TRIM49: variants seen among roughly 807,000 people sequenced by gnomAD.
TRIM49 encodes tripartite motif containing 49.
In TRIM49, 5 loss-of-function variants were observed where a neutral mutation model predicts 27.4. That is an observed-to-expected ratio of 0.18 (90% CI 0.10 to 0.38). The LOEUF (loss-of-function observed/expected upper bound fraction) is 0.38. Among genes scored for constraint, TRIM49 ranks in the 10% least tolerant of loss-of-function variants. The probability of loss-of-function intolerance (pLI) is 1.00; values close to 1 mark genes in which losing one functional copy is unlikely to be tolerated. For synonymous variants in TRIM49, 69 were observed against 166.0 expected (o/e 0.42, Z 4.49); for missense variants, 188 against 487.5 (o/e 0.39, Z 5.79).
At chr11:89,792,612 A>C in the TRIM49 span, among the ~76,000 whole-genome samples, 10 of 152,108 alleles carry the variant, frequency 6.6e-5, no homozygotes, top group Non-Finnish European at 1.0e-4. Context: ...GCTCAACTAC[A>C]TGGAAACTGA....
the TRIM49 span, chr11:89,787,228 G>A: frequency 0.14 from 28,691 of 209,110 alleles, 206 homozygotes; most frequent in East Asian, 0.27. Context: ...GTGGCCCAGA[G>A]GACCGGGGCG....
the TRIM49 span, among the ~76,000 whole-genome samples, chr11:89,777,689 T>C: frequency 6.6e-6 from 1 of 150,862 alleles, no homozygotes; most frequent in East Asian, 2.0e-4. Context: ...TAAAAGCCAG[T>C]TTCTCAGAAA....
the TRIM49 span, among the ~76,000 whole-genome samples, chr11:89,791,623 A>T: frequency 2.6e-5 from 4 of 151,338 alleles, no homozygotes; most frequent in East Asian, 7.8e-4. Flanking sequence ...TCAACCCAGA[A>T]TATCATATCC....
chr11:89,795,779 T>A (rs1949683481), downstream of TRIM49, among the ~76,000 whole-genome samples: 1 of 149,802 alleles, frequency 6.7e-6, no homozygotes, highest in African/African-American at 2.5e-5. Flanking sequence ...GAGATATACC[T>A]AATGTAAATG....
the TRIM49 span, among the ~76,000 whole-genome samples, chr11:89,769,015 C>A: frequency 1.5e-5 from 2 of 136,070 alleles, no homozygotes; most frequent in Non-Finnish European, 3.0e-5. Flanking sequence ...CCCATCCCTA[C>A]TAAAAAATGC....
the TRIM49 span, among the ~76,000 whole-genome samples, chr11:89,790,773 G>T: frequency 1.3e-5 from 2 of 149,678 alleles, no homozygotes; most frequent in Non-Finnish European, 3.0e-5. Context: ...AAAGCCCAAA[G>T]GTAGATAAAA....
At chr11:89,777,140 C>A in the TRIM49 span, 6 of 1,550,644 alleles carry the variant, frequency 3.9e-6, no homozygotes, top group East Asian at 7.3e-5. Flanking sequence ...CGCTGCCCTT[C>A]GTGCAGAAAA....
chr11:89,796,892 A>C (rs1371379477), downstream of TRIM49, among the ~76,000 whole-genome samples: 2 of 151,162 alleles, frequency 1.3e-5, no homozygotes, highest in African/African-American at 4.9e-5. Context: ...TGTATGTTGA[A>C]GTATATGTAG....
intron 4 of TRIM49, among the ~76,000 whole-genome samples, chr11:89,802,178 AT>A (rs2134640362): frequency 1.4e-5 from 2 of 141,166 alleles, no homozygotes; most frequent in South Asian, 4.7e-4. Flanking sequence ...AAAAAACACA[AT>A]TTGAATTTCT....
intron 3 of TRIM49, 24 bp from the exon 4 acceptor site, chr11:89,803,817 G>T: frequency 1.8e-6 from 2 of 1,112,416 alleles, no homozygotes; most frequent in Non-Finnish European, 2.5e-6. Context: ...ATAAATTGAA[G>T]CACCAGTGCA....
downstream of TRIM49, among the ~76,000 whole-genome samples, chr11:89,793,079 C>A (rs866745962): frequency 3.9e-5 from 6 of 152,126 alleles, no homozygotes; most frequent in East Asian, 1.9e-4. Flanking sequence ...ACCGATCCCA[C>A]AGAAATACAA....
chr11:89,783,737 C>G, the TRIM49 span, among the ~76,000 whole-genome samples: 3 of 146,828 alleles, frequency 2.0e-5, no homozygotes, highest in African/African-American at 7.9e-5. Context: ...ATGGAAAATT[C>G]TATAATAGAA....
At chr11:89,800,692 G>A (rs1426186543) in intron 6 of TRIM49, among the ~76,000 whole-genome samples, 1 of 150,354 alleles carries the variant, frequency 6.7e-6, no homozygotes, top group Non-Finnish European at 1.5e-5. Context: ...TCAGTGAGCC[G>A]AGATGGCGCC....
chr11:89,768,080 A>G, the TRIM49 span: 36 of 606,644 alleles, frequency 5.9e-5, 1 homozygote, highest in Middle Eastern at 5.3e-4. Flanking sequence ...ACCTATTCAC[A>G]GACTATTCTC....
Position 89,798,339 on chromosome 11 carries a change from T to C in TRIM49, c.1150A>G (p.Lys384Glu), listed in dbSNP as rs2134633096. Residue 384 changes from lysine (K) to glutamate (E), a missense_variant, in exon 8 of 8, where the codon AAG becomes GAG. Lys to Glu is a moderately conservative substitution (Grantham distance 56). This residue lies in a region of TRIM49 where 94 missense variants were observed against 149.6 expected (regional missense o/e 0.63). Coordinates refer to ENST00000329758, the MANE Select transcript of TRIM49 (RefSeq NM_020358.2). ...KAGLFLLGCV[K>E]NDIQCSLFTT... ...AAGAGACTGCATTGAATGTCATTCT[T>C]AACACACCCAAGAAGAAAGAGTCCC... is the stretch of plus-strand genomic sequence containing the variant. The C allele has an allele frequency of 6.4e-7, 1 of 1,573,772 alleles. No homozygotes were observed. The highest frequency in any genetic ancestry group is 1.5e-5 in the African/African-American group (1 of 67,182).
At chr11:89,786,864 C>G in the TRIM49 span, 1 of 71,730 alleles carries the variant, frequency 1.4e-5, no homozygotes, top group Admixed American at 1.4e-4. Context: ...TCAGGGCACG[C>G]TATCATCACC....
chr11:89,796,495 C>A (rs1429222502), downstream of TRIM49, among the ~76,000 whole-genome samples: 1 of 137,082 alleles, frequency 7.3e-6, no homozygotes, highest in Non-Finnish European at 1.5e-5. Flanking sequence ...CTTGGTCTCC[C>A]CAAGTGGTGG....
At chr11:89,777,049 A>T in the TRIM49 span, 1 of 1,549,176 alleles carries the variant, frequency 6.5e-7, no homozygotes, top group Non-Finnish European at 8.7e-7. Flanking sequence ...ACTACTTCAT[A>T]GACCGGTCAC....
chr11:89,772,247 C>T, the TRIM49 span, among the ~76,000 whole-genome samples: 1 of 137,044 alleles, frequency 7.3e-6, no homozygotes, highest in East Asian at 2.1e-4. Context: ...ATACTGTATA[C>T]ACATAACATA....
Sources: allele counts gnomAD v4.1 joint callset (sites outside exome capture counted in the v4.1 genomes callset), GRCh38; gene constraint gnomAD v4.1.1; regional missense constraint gnomAD v4.1.1; transcripts MANE v1.5; gene names NCBI Gene and HGNC (gene_info 2026-07-23, HGNC 2026-07-21).